HSD17B2: variants seen among roughly 807,000 people sequenced by gnomAD.
HSD17B2 encodes the protein hydroxysteroid 17-beta dehydrogenase 2, also known as 17-beta-hydroxysteroid dehydrogenase type 2.
Under a neutral mutation model 26.9 loss-of-function variants are expected in HSD17B2, and 32 were observed. The ratio of observed to expected loss-of-function variants is 1.19; its 90% confidence interval spans 0.90 to 1.60. HSD17B2 has a LOEUF of 1.60. Among genes scored for constraint, HSD17B2 ranks in the 40% most tolerant of loss-of-function variants. HSD17B2 has a pLI of 0.00. For missense variants in HSD17B2, 613 were observed against 468.6 expected (o/e 1.31, Z -2.85); for synonymous variants, 246 against 186.7 (o/e 1.32, Z -2.59).
intron 1 of HSD17B2, among the ~76,000 whole-genome samples, chr16:82,067,172 G>A (rs779565735): frequency 3.3e-5 from 5 of 152,136 alleles, no homozygotes; most frequent in Non-Finnish European, 5.9e-5. Flanking sequence ...TTCTCTGCAT[G>A]TACTCTGATT....
In HSD17B2 at chr16:82,089,605, G is replaced by A. The variant is rs8191211; in HGVS notation, c.665-1297G>A. ...TAAAACATCAGAAATTTTTTCTTTC[G>A]TAGTTCTGGAGGCCAGATGTCTAAA... On this transcript the variant is annotated intron_variant, in intron 3 of 4. Transcript: ENST00000199936. Among the ~76,000 whole-genome samples, 998 of 152,196 alleles carry A rather than the reference G, an allele frequency of 6.6e-3. 13 individuals carry two copies. Among genetic ancestry groups the A allele is most frequent in the South Asian group, 0.052 (250 of 4,810 alleles).
intron 3 of HSD17B2, among the ~76,000 whole-genome samples, chr16:82,086,693 G>A (rs572531945): frequency 4.6e-5 from 7 of 152,208 alleles, no homozygotes; most frequent in African/African-American, 1.7e-4. Flanking sequence ...CCATAGTTCT[G>A]TACATTATTG....
chr16:82,060,793 G>C (rs1914416726), intron 1 of HSD17B2, among the ~76,000 whole-genome samples: 1 of 152,142 alleles, frequency 6.6e-6, no homozygotes, highest in Non-Finnish European at 1.5e-5. Context: ...GCACTCGGAG[G>C]AGCTTTAGGG....
chr16:82,037,720 T>C (rs557999656), intron 1 of HSD17B2, among the ~76,000 whole-genome samples: 89 of 152,312 alleles, frequency 5.8e-4, no homozygotes, highest in African/African-American at 2.1e-3. Context: ...GGTATAACAA[T>C]GTGCAACCAT....
intron 1 of HSD17B2, among the ~76,000 whole-genome samples, chr16:82,039,967 C>A (rs1049426144): frequency 7.2e-5 from 11 of 152,138 alleles, no homozygotes; most frequent in African/African-American, 2.2e-4. Flanking sequence ...AAAAGAGGGA[C>A]CTCGTTAAGA....
chr16:82,035,585 C>T lies in HSD17B2; in HGVS notation c.161C>T (p.Pro54Leu). The change falls in exon 1 of 5, where the codon CCT becomes CTT. Residue 54 changes from proline (P) to leucine (L), a missense_variant. Transcript: ENST00000199936. The part of the protein sequence containing the change: ...LCAVCLLILS[P>L]FWGLILFSVS... ...GCAGTCTGCCTGCTCATCCTGTCCC[C>T]TTTTTGGGGCTTGATCCTCTTCTCG... 1 of 1,613,960 alleles carries T rather than the reference C, an allele frequency of 6.2e-7. No individual in the cohort carries two copies. The highest frequency in any genetic ancestry group is 2.2e-5 in the East Asian group (1 of 44,848).
At chr16:82,070,901 C>T in intron 2 of HSD17B2, 41 bp from the exon 3 acceptor site, 2 of 1,570,838 alleles carry the variant, frequency 1.3e-6, no homozygotes, top group Non-Finnish European at 1.7e-6. Flanking sequence ...TTATTCACTT[C>T]CTCTTCCAGA....
At chr16:82,081,713 C>T (rs1295816255) in intron 3 of HSD17B2, among the ~76,000 whole-genome samples, 4 of 152,198 alleles carry the variant, frequency 2.6e-5, no homozygotes, top group African/African-American at 9.7e-5. Flanking sequence ...TGAGTTATTA[C>T]TATTTTTATT....
At chr16:82,076,428 G>T (rs1046898376) in intron 3 of HSD17B2, among the ~76,000 whole-genome samples, 3 of 152,106 alleles carry the variant, frequency 2.0e-5, no homozygotes, top group African/African-American at 7.2e-5. Context: ...CATTCAAGCT[G>T]GAAAGGAAGA....
At chr16:82,093,012 A>T (rs1166190324) in intron 4 of HSD17B2, 1 of 152,224 alleles carries the variant, frequency 6.6e-6, no homozygotes, top group African/African-American at 2.4e-5. Flanking sequence ...TATGCATAAT[A>T]GTTCTGGAGA....
chr16:82,073,270 G>T (rs1914738245), intron 3 of HSD17B2, among the ~76,000 whole-genome samples: 1 of 151,618 alleles, frequency 6.6e-6, no homozygotes, highest in East Asian at 1.9e-4. Flanking sequence ...TGTCGCCCAG[G>T]CTGGAGTGCA....
At chr16:82,095,253 G>A (rs184365608) in intron 4 of HSD17B2, 1 of 152,212 alleles carries the variant, frequency 6.6e-6, no homozygotes, top group Non-Finnish European at 1.5e-5. Flanking sequence ...GAAACCTCCA[G>A]AGTAATTGTC....
chr16:82,045,087 C>G (rs965277454), intron 1 of HSD17B2, among the ~76,000 whole-genome samples: 2 of 134,224 alleles, frequency 1.5e-5, no homozygotes, highest in Admixed American at 8.3e-5. Context: ...CACACCACCG[C>G]ACTCCAGCTT....
intron 3 of HSD17B2, among the ~76,000 whole-genome samples, chr16:82,084,495 C>T (rs948529975): frequency 1.2e-4 from 19 of 152,114 alleles, no homozygotes; most frequent in African/African-American, 4.6e-4. Context: ...GTAAAAGGGA[C>T]CTCTCAACGG....
At chr16:82,097,945 T>TAAA in intron 4 of HSD17B2, 130 bp from the exon 5 acceptor site, 14 of 729,796 alleles carry the variant, frequency 1.9e-5, no homozygotes, top group Non-Finnish European at 2.6e-5. Flanking sequence ...ATCCCAAAAA[T>TAAA]AAAAAAATAA....
intron 3 of HSD17B2, among the ~76,000 whole-genome samples, chr16:82,073,683 C>T (rs561588097): frequency 6.6e-6 from 1 of 152,098 alleles, no homozygotes; most frequent in Non-Finnish European, 1.5e-5. Flanking sequence ...CTACAAAACA[C>T]TGCTCAAAGA....
At chr16:82,067,792 G>A (rs190261678) in intron 1 of HSD17B2, among the ~76,000 whole-genome samples, 17 of 152,234 alleles carry the variant, frequency 1.1e-4, no homozygotes, top group East Asian at 9.6e-4. Flanking sequence ...GTTTTACAGA[G>A]TGAGTGAAGT....
chr16:82,086,960 T>C (rs902293285), intron 3 of HSD17B2, among the ~76,000 whole-genome samples: 4 of 152,180 alleles, frequency 2.6e-5, no homozygotes, highest in African/African-American at 9.7e-5. Context: ...GTGAGGTGTC[T>C]GGTGTTTCTT....
intron 1 of HSD17B2, among the ~76,000 whole-genome samples, chr16:82,047,888 T>C (rs1388505047): frequency 1.3e-5 from 2 of 152,198 alleles, no homozygotes; most frequent in Non-Finnish European, 1.5e-5. Flanking sequence ...AATGAATGCA[T>C]AGACAAAGGA....
Sources: gnomAD v4.1 joint callset for allele counts (sites outside exome capture counted in the v4.1 genomes callset) on GRCh38, gnomAD v4.1.1 for gene constraint, MANE v1.5 for transcripts, NCBI Gene and HGNC (gene_info 2026-07-23, HGNC 2026-07-21) for gene names.